The following ZNF529 variants were observed in gnomAD, a reference collection of about 807,000 sequenced individuals.
ZNF529 encodes the protein zinc finger protein 529.
A neutral mutation model predicts 10.1 loss-of-function variants in ZNF529; 11 were observed. That is an observed-to-expected ratio of 1.09 (90% CI 0.69 to 1.81). The LOEUF (loss-of-function observed/expected upper bound fraction) is 1.81, where lower values mean the gene tolerates loss of function less well. Among genes scored for constraint, ZNF529 ranks in the 40% most tolerant of loss-of-function variants. The probability of loss-of-function intolerance (pLI) is 0.00; values close to 1 mark genes in which losing one functional copy is unlikely to be tolerated. For synonymous variants in ZNF529, 204 were observed against 215.7 expected (o/e 0.95, Z 0.47); for missense variants, 624 against 666.8 (o/e 0.94, Z 0.71).
intron 1 of ZNF529, among the ~76,000 whole-genome samples, chr19:36,596,980 C>A (rs1304765719): frequency 6.6e-6 from 1 of 151,888 alleles, no homozygotes; most frequent in Admixed American, 6.6e-5. Context: ...CTCAAGTGAT[C>A]CTTCCGCCTC....
At chr19:36,548,723 G>C (rs573079148) in intron 4 of ZNF529, among the ~76,000 whole-genome samples, 4 of 152,306 alleles carry the variant, frequency 2.6e-5, no homozygotes, top group Non-Finnish European at 4.4e-5. Context: ...GGTGCAGTTT[G>C]TTAAGACCTC....
At chr19:36,567,044 C>A (rs1233069647) in intron 2 of ZNF529, among the ~76,000 whole-genome samples, 2 of 151,918 alleles carry the variant, frequency 1.3e-5, no homozygotes, top group African/African-American at 2.4e-5. Context: ...TATGACATTG[C>A]AACAGATTCA....
chr19:36,566,725 T>A (rs6510551), intron 2 of ZNF529, among the ~76,000 whole-genome samples: 104,204 of 150,388 alleles, frequency 0.69, 36,443 homozygotes, highest in African/African-American at 0.79. Flanking sequence ...CTCAAAAAAA[T>A]AATAAAAAAA....
chr19:36,572,560 A>G (rs370739279), intron 1 of ZNF529, among the ~76,000 whole-genome samples, 168 bp from the exon 2 acceptor site: 1 of 152,190 alleles, frequency 6.6e-6, no homozygotes, highest in African/African-American at 2.4e-5. Context: ...AGGTACGACC[A>G]ATGCCTAGCA....
At chr19:36,574,993 T>C, upstream of ZNF529, 1 of 453,858 alleles carries the variant, frequency 2.2e-6, no homozygotes, top group Non-Finnish European at 4.5e-6. Context: ...CTGGAGTAAG[T>C]AGTTTCTGAG....
In ZNF529 at chr19:36,555,451, G is replaced by A. The variant is rs1470707114; in HGVS notation, c.108+653C>T. 2.9e-4 allele frequency among the ~76,000 whole-genome samples: 25 copies of A among 85,398 alleles called. 7 individuals are homozygous for A. The highest frequency in any genetic ancestry group is 1.4e-3 in the African/African-American group (22 of 15,642). The allele number at this position is 85,398 out of a possible 152,430, so 56.0% of individuals were successfully genotyped here. On this transcript the variant is annotated intron_variant, in intron 3 of 4. Coordinates refer to ENST00000591340, the MANE Select transcript of ZNF529 (RefSeq NM_020951.5). ...TGGGACTACAGGCGCCCGCCACCGC[G>A]CCCGGCTAATTTTTTGTATTTTTTT...
chr19:36,554,617 C>T, intron 4 of ZNF529, 53 bp downstream of exon 4: 1 of 1,380,502 alleles, frequency 7.2e-7, no homozygotes. Flanking sequence ...CACTGAATAT[C>T]AGTTGATAGT....
At chr19:36,577,116 C>T (rs1276047198), upstream of ZNF529, 2 of 449,808 alleles carry the variant, frequency 4.4e-6, no homozygotes, top group Non-Finnish European at 8.9e-6. Flanking sequence ...CTATACCTGG[C>T]TAATTTTTGT....
rs1028967681 is a variant in ZNF529, at chr19:36,580,591, G to T, written c.-41+9024C>A. The T allele has an allele frequency of 3.3e-5, 5 of 152,148 alleles. No individual in the cohort carries two copies. In the East Asian group the frequency reaches 9.6e-4, roughly 29 times the overall value. The allele number at this position is 152,148 out of a possible 1,614,324, so 9.4% of individuals were successfully genotyped here. ...CATGACACATGACTGTGTTCATCAG[G>T]AATATGTATGCTAGTATGAACCTAT... On this transcript the variant is annotated intron_variant, in intron 2 of 4. Coordinates refer to the ZNF529 transcript ENST00000585960.
intron 2 of ZNF529, among the ~76,000 whole-genome samples, chr19:36,568,780 C>T (rs538226420): frequency 2.4e-4 from 36 of 152,192 alleles, no homozygotes; most frequent in Middle Eastern, 6.8e-3. Flanking sequence ...TGAGTTTCAA[C>T]ATGTAAAAGG....
chr19:36,548,598 T>C (rs1416772545), intron 4 of ZNF529, among the ~76,000 whole-genome samples: 1 of 152,240 alleles, frequency 6.6e-6, no homozygotes, highest in Non-Finnish European at 1.5e-5. Flanking sequence ...GTAGAACTAG[T>C]CATTAGCATC....
In ZNF529 at chr19:36,545,580, T is replaced by C. The variant is rs1600232244; in HGVS notation, c.*1286A>G. 6.6e-6 allele frequency: 1 copy of C among 152,230 alleles called. No individual in the cohort carries two copies. Among genetic ancestry groups the C allele is most frequent in the East Asian group, 1.9e-4 (1 of 5,180 alleles). The allele number at this position is 152,230 out of a possible 1,614,324, so 9.4% of individuals were successfully genotyped here. On this transcript the variant is annotated 3_prime_UTR_variant, in exon 5 of 5. Coordinates refer to ENST00000591340, the MANE Select transcript of ZNF529 (RefSeq NM_020951.5). Reference sequence around the variant, plus strand: ...GTGGCTCGTGATCTCATTGACTGCATAACCAAGTCAGCAGTCCTAAGAGAG... The same window carrying C: ...GTGGCTCGTGATCTCATTGACTGCACAACCAAGTCAGCAGTCCTAAGAGAG...
chr19:36,546,864 T>C lies in ZNF529; in HGVS notation c.*2A>G. ...AATAAAAAACCACTTTATACATTTA[T>C]TTCAGTCAAATGATTTCTCACCAGT... On this transcript the variant is annotated 3_prime_UTR_variant, in exon 5 of 5. Transcript: ENST00000591340. 6.2e-7 allele frequency: 1 copy of C among 1,602,980 alleles called. No homozygotes were observed. Among genetic ancestry groups the C allele is most frequent in the Non-Finnish European group, 8.5e-7 (1 of 1,174,390 alleles).
intron 4 of ZNF529, among the ~76,000 whole-genome samples, chr19:36,553,601 G>A (rs1178633354): frequency 6.6e-6 from 1 of 152,104 alleles, no homozygotes; most frequent in Non-Finnish European, 1.5e-5. Flanking sequence ...GCAGGTGGGA[G>A]GAAATGAATA....
At position 36,547,858 on chromosome 19, in the gene ZNF529, T is replaced by C. The variant is rs369987952; in HGVS notation, c.700A>G (p.Asn234Asp). Residue 234 changes from asparagine to aspartate, a missense_variant, in exon 5 of 5, where the codon AAT becomes GAT. By Grantham distance (23) the Asn-to-Asp change is conservative (BLOSUM62 1). Coordinates refer to ENST00000591340, the MANE Select transcript of ZNF529 (RefSeq NM_020951.5). ...VKPCKYMEYG[N>D]TCSFYKDFNV... ...AAGTCTTTATAAAAACTACATGTAT[T>C]CCCATATTCCATATATTTACAAGGT... 1.2e-5 allele frequency: 19 copies of C among 1,610,578 alleles called. No individual in the cohort carries two copies. The highest frequency in any genetic ancestry group is 3.3e-4 in the Middle Eastern group (2 of 6,070).
chr19:36,565,428 C>T (rs3108580), intron 2 of ZNF529, among the ~76,000 whole-genome samples: 49,551 of 151,942 alleles, frequency 0.33, 8,434 homozygotes, highest in South Asian at 0.42. Flanking sequence ...ACAGGCCGGG[C>T]GCGGTGGCTC....
At position 36,572,017 on chromosome 19, in the gene ZNF529, C is replaced by T. The variant is rs115093769; in HGVS notation, c.14+316G>A. 3.7e-3 allele frequency among the ~76,000 whole-genome samples: 556 copies of T among 148,492 alleles called. 3 individuals are homozygous for T. The highest frequency in any genetic ancestry group is 0.013 in the African/African-American group (529 of 40,012). ...ATCTTGCTTTGTTTGCAAATCAAGT[C>T]TGTAAATAAGATCAAAGGTATCTAG... On this transcript the variant is annotated intron_variant, in intron 2 of 4. Coordinates refer to ENST00000591340, the MANE Select transcript of ZNF529 (RefSeq NM_020951.5).
At chr19:36,559,996 C>T (rs1156948209) in intron 2 of ZNF529, among the ~76,000 whole-genome samples, 2 of 152,108 alleles carry the variant, frequency 1.3e-5, no homozygotes, top group African/African-American at 2.4e-5. Flanking sequence ...CGTTGGTTCA[C>T]ACCTGTAATT....
chr19:36,586,576 G>A (rs1448853370), intron 2 of ZNF529, among the ~76,000 whole-genome samples: 2 of 151,758 alleles, frequency 1.3e-5, no homozygotes, highest in African/African-American at 4.8e-5. Context: ...TTGCACTCCA[G>A]CCTGGGCAAC....
Sources: allele counts gnomAD v4.1 joint callset (sites outside exome capture counted in the v4.1 genomes callset), GRCh38; gene constraint gnomAD v4.1.1; transcripts MANE v1.5; gene names NCBI Gene and HGNC (gene_info 2026-07-23, HGNC 2026-07-21).